Variants in ZNF560 observed in about 807,000 individuals in gnomAD.
ZNF560 encodes the protein zinc finger protein 560.
A neutral mutation model predicts 81.8 loss-of-function variants in ZNF560; 54 were observed. The ratio of observed to expected loss-of-function variants is 0.66; its 90% CI spans 0.53 to 0.83. ZNF560 has a LOEUF of 0.83. Ranked by LOEUF, ZNF560 falls within the 40% of genes least tolerant of loss-of-function variation. ZNF560 has a pLI of 0.00. For synonymous variants in ZNF560, 321 were observed against 317.9 expected, an observed-to-expected ratio of 1.01 and a Z score of -0.10; for missense variants, 940 against 932.4, an observed-to-expected ratio of 1.01 and a Z score of -0.11.
the ZNF560 span, among the ~76,000 whole-genome samples, chr19:9,453,189 A>G: frequency 6.6e-6 from 1 of 152,184 alleles, no homozygotes; most frequent in Non-Finnish European, 1.5e-5. Flanking sequence ...GCAGAATGAG[A>G]GATAATGAGA....
upstream of ZNF560, among the ~76,000 whole-genome samples, chr19:9,502,882 G>A (rs904494654): frequency 3.3e-5 from 5 of 151,904 alleles, no homozygotes; most frequent in South Asian, 2.1e-4. Flanking sequence ...CAATGTTATC[G>A]ATCATTGCAA....
Position 9,467,752 on chromosome 19 carries a change from T to C in ZNF560, c.1195A>G (p.Thr399Ala). ...TTACACCCATAGGGCTTCTCTCCAG[T>C]GTGAGTTCGTACATGTTCAAGAAAG... ...SGFLEHVRTHTGEKPYGCKEC... is the reference protein window; with the variant it reads ...SGFLEHVRTHAGEKPYGCKEC... The change falls in exon 10 of 10, where the codon ACT becomes GCT. Residue 399 changes from threonine (T) to alanine (A), a missense_variant. Transcript: ENST00000301480. The C allele has an allele frequency of 6.2e-7, 1 of 1,614,176 alleles. No homozygotes were observed. Among genetic ancestry groups the C allele is most frequent in the Non-Finnish European group, 8.5e-7 (1 of 1,180,012 alleles).
At chr19:9,446,370 AC>A in the ZNF560 span, among the ~76,000 whole-genome samples, 1 of 31,258 alleles carries the variant, frequency 3.2e-5, no homozygotes, top group East Asian at 6.6e-4. Context: ...AGTCATACAC[AC>A]ACACACACAC....
intron 2 of ZNF560, among the ~76,000 whole-genome samples, chr19:9,491,623 G>A (rs2073474518): frequency 1.3e-5 from 2 of 151,834 alleles, no homozygotes; most frequent in South Asian, 2.1e-4. Context: ...TCAGGAGATT[G>A]AGACTATCCT....
At chr19:9,471,631 A>G (rs1317023309) in intron 5 of ZNF560, among the ~76,000 whole-genome samples, 2 of 152,238 alleles carry the variant, frequency 1.3e-5, no homozygotes, top group Non-Finnish European at 2.9e-5. Flanking sequence ...ATGTTATCAG[A>G]AAAGTAGGAA....
Position 9,468,170 on chromosome 19 carries a change from A to G in ZNF560, c.777T>C (p.Ser259=). 2 of 1,614,146 alleles carry G rather than the reference A, an allele frequency of 1.2e-6. No homozygotes were observed. The highest frequency in any genetic ancestry group is 1.1e-5 in the South Asian group (1 of 91,064). ...TGAACACAGAAACTTTCCTTATGGTAGAGGTTTTATTGTATAGAGAAAGGA... is the reference window on the plus strand; with the variant it reads ...TGAACACAGAAACTTTCCTTATGGTGGAGGTTTTATTGTATAGAGAAAGGA... The part of the protein sequence containing the change: ...KDLLSLYNKT[S]TIRKVSVFSK... Residue 259 remains serine (S), a synonymous_variant, in exon 10 of 10, where the codon TCT becomes TCC. Coordinates refer to ENST00000301480, the MANE Select transcript of ZNF560 (RefSeq NM_152476.3).
intron 2 of ZNF560, among the ~76,000 whole-genome samples, chr19:9,477,818 G>A (rs542057796): frequency 6.6e-6 from 1 of 151,722 alleles, no homozygotes; most frequent in Non-Finnish European, 1.5e-5. Context: ...AGAAGGAAAA[G>A]AAAAAAATCT....
At chr19:9,489,308 T>A (rs1390949789) in intron 2 of ZNF560, among the ~76,000 whole-genome samples, 1 of 151,234 alleles carries the variant, frequency 6.6e-6, no homozygotes, top group Non-Finnish European at 1.5e-5. Flanking sequence ...GAGGCACTCC[T>A]CACTTCCTAG....
At chr19:9,461,414 A>G (rs531594115), downstream of ZNF560, among the ~76,000 whole-genome samples, 1 of 152,138 alleles carries the variant, frequency 6.6e-6, no homozygotes, top group Non-Finnish European at 1.5e-5. Flanking sequence ...CCCTCTGTAC[A>G]TATTATTACT....
At chr19:9,490,338 G>A (rs1007703474) in intron 2 of ZNF560, among the ~76,000 whole-genome samples, 1 of 152,206 alleles carries the variant, frequency 6.6e-6, no homozygotes, top group Non-Finnish European at 1.5e-5. Flanking sequence ...AACCTTGAGT[G>A]CCAAAAACCA....
chr19:9,502,535 T>C (rs2073641383), upstream of ZNF560, among the ~76,000 whole-genome samples: 1 of 152,184 alleles, frequency 6.6e-6, no homozygotes, highest in Admixed American at 6.5e-5. Flanking sequence ...TTGGAGGATA[T>C]TGAGAAACAC....
At chr19:9,500,394 CAA>C (rs767714516), upstream of ZNF560, among the ~76,000 whole-genome samples, 12 of 82,652 alleles carry the variant, frequency 1.5e-4, no homozygotes, top group Admixed American at 1.5e-4. Flanking sequence ...AACTTCATCT[CAA>C]AAAAAAAAAA....
At chr19:9,481,597 T>C (rs952331008) in intron 2 of ZNF560, among the ~76,000 whole-genome samples, 8 of 151,982 alleles carry the variant, frequency 5.3e-5, no homozygotes, top group Admixed American at 2.6e-4. Context: ...AACCACCCCA[T>C]AAAAAAGTGG....
the ZNF560 span, among the ~76,000 whole-genome samples, chr19:9,452,866 T>G: frequency 6.6e-6 from 1 of 152,126 alleles, no homozygotes; most frequent in South Asian, 2.1e-4. Context: ...AATTTACCCA[T>G]GTTACAAACA....
chr19:9,483,714 T>C (rs1053111329), intron 2 of ZNF560, among the ~76,000 whole-genome samples: 1 of 147,812 alleles, frequency 6.8e-6, no homozygotes, highest in African/African-American at 2.5e-5. Context: ...GTCTGGGAGG[T>C]GGGGGGCGCC....
chr19:9,473,082 T>C lies in ZNF560; in HGVS notation c.238+97A>G, dbSNP rs550591302. The C allele has an allele frequency of 1.7e-5, 16 of 945,256 alleles. No individual in the cohort carries two copies. In the African/African-American group the frequency reaches 2.1e-4, roughly 13 times the overall value. 58.6% of individuals were successfully genotyped at this position (945,256 alleles called of 1,614,324 possible). A position where few individuals can be genotyped will look rare whatever the true frequency, so the allele number is the denominator to read the frequency against. ...TATTTTCTTAATAAATCACCCAGTC[T>C]CAGGTATTTCTTTCTTGCAACACAA... On this transcript the variant is annotated intron_variant, in intron 5 of 9. Transcript: ENST00000301480.
upstream of ZNF560, among the ~76,000 whole-genome samples, chr19:9,501,201 C>T (rs1321742448): frequency 2.1e-5 from 3 of 145,966 alleles, no homozygotes; most frequent in African/African-American, 5.1e-5. Flanking sequence ...ACACTATTGC[C>T]CAGGCTGGAG....
At chr19:9,453,247 A>G in the ZNF560 span, among the ~76,000 whole-genome samples, 1 of 152,208 alleles carries the variant, frequency 6.6e-6, no homozygotes, top group African/African-American at 2.4e-5. Flanking sequence ...AAAACCAACC[A>G]TGTTGGCACC....
rs141562027 is a variant in ZNF560, at chr19:9,467,352, C to T, written c.1595G>A (p.Arg532His). The part of the protein sequence containing the change: ...GKPFTSSACL[R>H]IHMRTHTEER... ...TTCTGTGTGAGTTCGCATGTGAATA[C>T]GAAGACAGGCAGAAGAGGTAAATGG... Residue 532 changes from arginine to histidine, a missense_variant, in exon 10 of 10, where the codon CGT (arginine) becomes CAT (histidine). Physicochemically the swap from Arg to His is conservative, Grantham distance 29. Coordinates refer to ENST00000301480, the MANE Select transcript of ZNF560 (RefSeq NM_152476.3). 268 of 1,614,010 alleles carry T rather than the reference C, an allele frequency of 1.7e-4. 1 individual carries two copies. The highest frequency in any genetic ancestry group is 9.5e-4 in the African/African-American group (71 of 75,002).
Sources: gnomAD v4.1 joint callset for allele counts (sites outside exome capture counted in the v4.1 genomes callset) on GRCh38, gnomAD v4.1.1 for gene constraint, MANE v1.5 for transcripts, NCBI Gene and HGNC (gene_info 2026-07-23, HGNC 2026-07-21) for gene names.